The following ABCA9 variants were observed in gnomAD, a reference collection of about 807,000 sequenced individuals.
The protein encoded by ABCA9 is ATP binding cassette subfamily A member 9.
In ABCA9, 183 loss-of-function variants were observed where a neutral mutation model predicts 205.3. The ratio of observed to expected loss-of-function variants is 0.89; its 90% CI spans 0.79 to 1.01. The LOEUF (loss-of-function observed/expected upper bound fraction) is 1.01, where lower values mean the gene tolerates loss of function less well. Ranked by LOEUF, ABCA9 falls within the 50% of genes least tolerant of loss-of-function variation. ABCA9 has a pLI of 0.00. For missense variants in ABCA9, 1,805 were observed against 1,912.4 expected, an observed-to-expected ratio of 0.94 and a Z score of 1.05; for synonymous variants, 651 against 683.3, an observed-to-expected ratio of 0.95 and a Z score of 0.74.
At chr17:69,063,999 TA>T (rs2072316258), upstream of ABCA9, among the ~76,000 whole-genome samples, 1 of 152,250 alleles carries the variant, frequency 6.6e-6, no homozygotes, top group African/African-American at 2.4e-5. Context: ...TTCTCAGATA[TA>T]TTTTGACAAA....
intron 3 of ABCA9, 62 bp downstream of exon 3, chr17:69,049,221 C>A: frequency 7.0e-7 from 1 of 1,421,520 alleles, no homozygotes; most frequent in South Asian, 1.4e-5. Context: ...TGAAGGAAAT[C>A]TCAAAATGAA....
In ABCA9 at chr17:69,026,383, T is replaced by A. The variant is rs1306496390; in HGVS notation, c.2135A>T (p.His712Leu). ...FLKKKWGIGYHLSLHLNERCD... is the reference protein window; with the variant it reads ...FLKKKWGIGYLLSLHLNERCD... ...CCAACATTCAGGGCTGTACCTTAAA[T>A]GGTAGCCTATGCCCCATTTCTTCTT... is the stretch of plus-strand genomic sequence containing the variant. The change falls in exon 16 of 39, where the codon CAT becomes CTT. Residue 712 changes from histidine to leucine, a missense_variant. His to Leu is a moderately conservative substitution (Grantham distance 99). Transcript: ENST00000340001. The A allele has an allele frequency of 1.9e-6, 3 of 1,613,414 alleles. No homozygotes were observed. Among genetic ancestry groups the A allele is most frequent in the Non-Finnish European group, 2.5e-6 (3 of 1,179,458 alleles).
At chr17:69,040,006 A>T (rs1221528538) in intron 6 of ABCA9, among the ~76,000 whole-genome samples, 1 of 152,262 alleles carries the variant, frequency 6.6e-6, no homozygotes, top group Non-Finnish European at 1.5e-5. Context: ...CCACAATGAG[A>T]TACCATCTCA....
intron 37 of ABCA9, among the ~76,000 whole-genome samples, chr17:68,981,627 T>C (rs2069055065): frequency 6.6e-6 from 1 of 151,666 alleles, no homozygotes; most frequent in South Asian, 2.1e-4. Flanking sequence ...AGAATCTCAT[T>C]AAAAGCTAGG....
chr17:69,013,285 C>T (rs2070452299), intron 22 of ABCA9, among the ~76,000 whole-genome samples: 2 of 152,128 alleles, frequency 1.3e-5, no homozygotes, highest in South Asian at 4.1e-4. Flanking sequence ...GATCTATCAT[C>T]AGTTACCTCA....
intron 9 of ABCA9, 99 bp from the exon 10 acceptor site, chr17:69,032,375 C>A: frequency 9.1e-7 from 1 of 1,097,170 alleles, no homozygotes. Context: ...CCTGAACCCA[C>A]ATTATCATAT....
intron 36 of ABCA9, 95 bp from the exon 37 acceptor site, chr17:68,982,736 G>C (rs2069100229): frequency 4.1e-6 from 4 of 976,122 alleles, no homozygotes; most frequent in South Asian, 4.0e-5. Context: ...TAGGCATGGT[G>C]GCCCATGCCT....
intron 6 of ABCA9, 24 bp from the exon 7 acceptor site, chr17:69,035,825 G>A: frequency 6.2e-7 from 1 of 1,600,514 alleles, no homozygotes; most frequent in Non-Finnish European, 8.5e-7. Flanking sequence ...AAAGCCGTCA[G>A]TTAGAATGTT....
intron 3 of ABCA9, among the ~76,000 whole-genome samples, chr17:69,047,068 T>G (rs2071743330): frequency 6.6e-6 from 1 of 151,154 alleles, no homozygotes; most frequent in Non-Finnish European, 1.5e-5. Flanking sequence ...TGCAAGTGAT[T>G]CTCCTGCCTC....
At chr17:69,069,596 G>C in the ABCA9 span, among the ~76,000 whole-genome samples, 2 of 151,760 alleles carry the variant, frequency 1.3e-5, no homozygotes, top group African/African-American at 4.8e-5. Context: ...AGTACACAGT[G>C]GTCAGCTTCT....
intron 23 of ABCA9, among the ~76,000 whole-genome samples, chr17:69,009,204 A>C (rs2070279744): frequency 6.6e-6 from 1 of 152,206 alleles, no homozygotes; most frequent in African/African-American, 2.4e-5. Flanking sequence ...ATAGCTACCT[A>C]AGTAAAATTG....
chr17:68,993,827 C>T (rs2069530818), intron 26 of ABCA9, among the ~76,000 whole-genome samples: 2 of 152,078 alleles, frequency 1.3e-5, no homozygotes, highest in South Asian at 4.1e-4. Context: ...ATAATTGCAC[C>T]TCATCCAAAC....
chr17:69,018,843 T>C (rs1468648087), intron 19 of ABCA9, among the ~76,000 whole-genome samples: 1 of 152,144 alleles, frequency 6.6e-6, no homozygotes, highest in Non-Finnish European at 1.5e-5. Context: ...CTTAAATCTC[T>C]CTTCACAATC....
intron 25 of ABCA9, among the ~76,000 whole-genome samples, chr17:68,999,915 T>C (rs2069784697): frequency 6.6e-6 from 1 of 152,216 alleles, no homozygotes; most frequent in African/African-American, 2.4e-5. Context: ...TTTGGCTGCA[T>C]AAATGTCTTC....
intron 19 of ABCA9, among the ~76,000 whole-genome samples, chr17:69,019,024 A>G (rs2070730476): frequency 6.6e-6 from 1 of 151,902 alleles, no homozygotes; most frequent in Non-Finnish European, 1.5e-5. Context: ...GAGCTCAATC[A>G]TTTTCCACCC....
chr17:69,056,790 CTAGAG>C (rs1265902013), intron 1 of ABCA9, among the ~76,000 whole-genome samples: 1 of 152,112 alleles, frequency 6.6e-6, no homozygotes, highest in Non-Finnish European at 1.5e-5. Context: ...GCAGAAGGAA[CTAGAG>C]TAGAGTGATG....
Position 69,045,183 on chromosome 17 carries a change from C to T in ABCA9, c.458G>A (p.Arg153Lys). ...TCTTCAAAAGTTACCTGAATGGTCT[C>T]TGTGCTCTTTCATCATGGGGATTCT... ...GHRIPMMKEH[R>K]DHSAHCQAVN... The change falls in exon 4 of 39, where the codon AGA (arginine) becomes AAA (lysine). Residue 153 changes from arginine (R) to lysine (K), a missense_variant. Arg to Lys is a conservative substitution (Grantham distance 26). Transcript: ENST00000340001. The T allele has an allele frequency of 6.2e-7, 1 of 1,612,616 alleles. No individual in the cohort carries two copies.
In ABCA9 at chr17:69,043,517, T is replaced by C; in HGVS notation, c.772A>G (p.Met258Val). 6.2e-7 allele frequency: 1 copy of C among 1,604,766 alleles called. No individual in the cohort carries two copies. Among genetic ancestry groups the C allele is most frequent in the Non-Finnish European group, 8.5e-7 (1 of 1,175,250 alleles). The change falls in exon 6 of 39, where the codon ATG (methionine) becomes GTG (valine). Residue 258 changes from methionine (M) to valine (V), a missense_variant. Met to Val is a conservative substitution (Grantham distance 21, BLOSUM62 1). Transcript: ENST00000340001. ...AATGCTGACTCTCGGAGTCCCATCA[T>C]TGTCATCAATGACGTAATGTATTGT... is the stretch of plus-strand genomic sequence containing the variant. ...ERQYITSLMT[M>V]MGLRESAFWL...
chr17:68,989,256 TCACA>T (rs71293542), intron 30 of ABCA9, 138 bp from the exon 31 acceptor site: 3,838 of 241,474 alleles, frequency 0.016, 33 homozygotes, highest in East Asian at 0.039. Context: ...TCTCTCTCTC[TCACA>T]CACACACACA....
Sources: allele counts gnomAD v4.1 joint callset (sites outside exome capture counted in the v4.1 genomes callset), GRCh38; gene constraint gnomAD v4.1.1; transcripts MANE v1.5; gene names NCBI Gene and HGNC (gene_info 2026-07-23, HGNC 2026-07-21).